Variants in RCOR3 observed in about 807,000 individuals in gnomAD.
RCOR3 encodes REST corepressor 3.
In RCOR3, 13 loss-of-function variants were observed where a neutral mutation model predicts 64.1. The observed-to-expected ratio is 0.20, with a 90% CI of 0.13 to 0.32. The LOEUF is 0.32. RCOR3 is among the 10% of genes least tolerant of loss of function. RCOR3 has a pLI of 1.00. For missense variants in RCOR3, 489 were observed against 701.2 expected, an observed-to-expected ratio of 0.70 and a Z score of 3.42; for synonymous variants, 215 against 239.0, an observed-to-expected ratio of 0.90 and a Z score of 0.93.
intron 2 of RCOR3, among the ~76,000 whole-genome samples, chr1:211,267,465 G>C (rs1283251324): frequency 6.6e-6 from 1 of 152,166 alleles, no homozygotes. Flanking sequence ...TATCAGGATT[G>C]CTCTATGTAT....
intron 7 of RCOR3, among the ~76,000 whole-genome samples, chr1:211,280,705 C>T (rs751701104): frequency 4.6e-5 from 7 of 152,158 alleles, no homozygotes; most frequent in Non-Finnish European, 8.8e-5. Flanking sequence ...TTTCTCTGGC[C>T]GGGCTCAGTG....
chr1:211,289,154 G>C, intron 7 of RCOR3, 24 bp from the exon 8 acceptor site: 2 of 1,577,804 alleles, frequency 1.3e-6, no homozygotes, highest in South Asian at 1.1e-5. Flanking sequence ...CAAGTGACCT[G>C]TTATTCTGCT....
intron 9 of RCOR3, among the ~76,000 whole-genome samples, chr1:211,298,872 T>C (rs1344445386): frequency 1.3e-5 from 2 of 152,066 alleles, no homozygotes. Context: ...CCAGGCGTGG[T>C]GGCGGGCACC....
intron 4 of RCOR3, among the ~76,000 whole-genome samples, chr1:211,275,366 C>G (rs968360708): frequency 6.6e-6 from 1 of 151,886 alleles, no homozygotes; most frequent in African/African-American, 2.4e-5. Context: ...CTTTGATTGC[C>G]TATTTTGTTT....
Position 211,295,586 on chromosome 1 carries a change from G to T in RCOR3, c.940-90G>T, listed in dbSNP as rs1200300055. 7 of 1,072,672 alleles carry T rather than the reference G, an allele frequency of 6.5e-6. No individual in the cohort carries two copies. In the South Asian group the frequency reaches 6.6e-5, roughly 10 times the overall value. 66.4% of individuals were successfully genotyped at this position (1,072,672 alleles called of 1,614,324 possible). A position where few individuals can be genotyped will look rare whatever the true frequency, so the allele number is the denominator to read the frequency against. Reference sequence around the variant, plus strand: ...TCTCCTAAAATAAAATTTAAGAGGGGTTTGGAATATATTCTTTTCACTTAA... The same window carrying T: ...TCTCCTAAAATAAAATTTAAGAGGGTTTTGGAATATATTCTTTTCACTTAA... On this transcript the variant is annotated intron_variant, in intron 8 of 11. Coordinates refer to ENST00000419091, the MANE Select transcript of RCOR3 (RefSeq NM_001136223.3).
intron 2 of RCOR3, among the ~76,000 whole-genome samples, chr1:211,262,855 TTA>T (rs1694565789): frequency 7.4e-6 from 1 of 135,134 alleles, no homozygotes. Context: ...ATTTTTATCT[TTA>T]TTTTTTAAAC....
chr1:211,274,697 T>C (rs1226706575), intron 4 of RCOR3, among the ~76,000 whole-genome samples: 3 of 151,984 alleles, frequency 2.0e-5, no homozygotes, highest in Non-Finnish European at 4.4e-5. Context: ...AAGTTAAACT[T>C]TACATTTAAA....
At chr1:211,298,392 A>C (rs1300142034) in intron 9 of RCOR3, among the ~76,000 whole-genome samples, 3 of 152,234 alleles carry the variant, frequency 2.0e-5, no homozygotes, top group Non-Finnish European at 4.4e-5. Flanking sequence ...AGAGGGAATA[A>C]TAGCAATGGT....
chr1:211,294,678 C>A (rs1485737910), intron 8 of RCOR3, among the ~76,000 whole-genome samples: 2 of 150,486 alleles, frequency 1.3e-5, no homozygotes, highest in African/African-American at 4.9e-5. Context: ...CAAGCTCCAC[C>A]TCCTGGGTTC....
chr1:211,265,848 G>T (rs996886239), intron 2 of RCOR3, among the ~76,000 whole-genome samples: 1 of 152,158 alleles, frequency 6.6e-6, no homozygotes, highest in African/African-American at 2.4e-5. Flanking sequence ...TAGTTATGGT[G>T]CCTTGAGTAA....
chr1:211,280,104 A>G (rs374836429), intron 7 of RCOR3, among the ~76,000 whole-genome samples: 3 of 152,226 alleles, frequency 2.0e-5, no homozygotes, highest in East Asian at 3.8e-4. Flanking sequence ...AGCACTTTTT[A>G]TAGTACCCAG....
intron 2 of RCOR3, among the ~76,000 whole-genome samples, chr1:211,268,292 T>C (rs969365800): frequency 5.3e-5 from 8 of 152,118 alleles, no homozygotes; most frequent in Non-Finnish European, 2.9e-5. Context: ...TTTATATTTT[T>C]ATTTTACAGG....
chr1:211,306,713 C>T (rs1047029656), intron 10 of RCOR3, among the ~76,000 whole-genome samples: 2 of 152,130 alleles, frequency 1.3e-5, no homozygotes, highest in Admixed American at 6.6e-5. Flanking sequence ...TTTCCTGTTC[C>T]ATCTACTCAT....
intron 9 of RCOR3, 25 bp downstream of exon 9, chr1:211,295,778 A>T (rs1571954744): frequency 6.3e-7 from 1 of 1,597,536 alleles, no homozygotes; most frequent in African/African-American, 1.3e-5. Context: ...GATACATGTG[A>T]TTAAGTATAG....
chr1:211,267,831 C>T (rs896832395), intron 2 of RCOR3: 35 of 371,246 alleles, frequency 9.4e-5, no homozygotes, highest in Admixed American at 5.1e-4. Flanking sequence ...GGGCTCAAGC[C>T]ATCCGCCCTC....
At chr1:211,291,487 T>G (rs1444662250) in intron 8 of RCOR3, 3 of 442,512 alleles carry the variant, frequency 6.8e-6, no homozygotes, top group African/African-American at 6.1e-5. Flanking sequence ...AAGGGAATAC[T>G]CAACCTGGAT....
At chr1:211,310,918 T>A (rs78663228) in intron 10 of RCOR3, among the ~76,000 whole-genome samples, 2,624 of 152,266 alleles carry the variant, frequency 0.017, 74 homozygotes, top group African/African-American at 0.06. Context: ...GAATGTAAAT[T>A]AAGCGTCCCT....
intron 9 of RCOR3, among the ~76,000 whole-genome samples, chr1:211,296,445 C>G (rs993011059): frequency 6.6e-6 from 1 of 151,876 alleles, no homozygotes; most frequent in Non-Finnish European, 1.5e-5. Flanking sequence ...ATTTGCCTTT[C>G]TGTGTTTGTG....
intron 6 of RCOR3, 30 bp downstream of exon 6, chr1:211,278,271 T>A: frequency 1.9e-6 from 3 of 1,610,858 alleles, no homozygotes; most frequent in Non-Finnish European, 2.5e-6. Flanking sequence ...ATAGTTACAT[T>A]GTTAGGGACA....
Sources: gnomAD v4.1 joint callset for allele counts (sites outside exome capture counted in the v4.1 genomes callset) on GRCh38, gnomAD v4.1.1 for gene constraint, MANE v1.5 for transcripts, NCBI Gene and HGNC (gene_info 2026-07-23, HGNC 2026-07-21) for gene names.